Variants in AFF3 observed in about 807,000 individuals in gnomAD.
AFF3 encodes ALF transcription elongation factor 3.
A neutral mutation model predicts 129.7 loss-of-function variants in AFF3; 32 were observed. The observed-to-expected ratio is 0.25, with a 90% CI of 0.19 to 0.33. The LOEUF is 0.33. AFF3 is among the 10% of genes least tolerant of loss of function. The probability of loss-of-function intolerance (pLI) is 1.00; values close to 1 mark genes in which losing one functional copy is unlikely to be tolerated. For synonymous variants in AFF3, 644 were observed against 635.4 expected (o/e 1.01, Z -0.20); for missense variants, 1,373 against 1,592.0 (o/e 0.86, Z 2.34).
intron 13 of AFF3, among the ~76,000 whole-genome samples, chr2:99,642,294 T>C (rs944197281): frequency 3.9e-5 from 6 of 152,170 alleles, no homozygotes; most frequent in East Asian, 3.8e-4. Context: ...TTGATCTTTT[T>C]TTTTTTTTGA....
chr2:99,573,990 T>G (rs952603672), intron 18 of AFF3, among the ~76,000 whole-genome samples: 1 of 152,156 alleles, frequency 6.6e-6, no homozygotes, highest in Non-Finnish European at 1.5e-5. Context: ...TTAGCCCTGT[T>G]CAGGACTTCT....
chr2:99,560,492 G>C, intron 20 of AFF3, 56 bp from the exon 21 acceptor site: 1 of 1,521,618 alleles, frequency 6.6e-7, no homozygotes, highest in Admixed American at 1.7e-5. Flanking sequence ...CAAAGAAATA[G>C]TAAAACTAGC....
chr2:99,925,330 A>G (rs1242220692), intron 7 of AFF3, among the ~76,000 whole-genome samples: 1 of 152,052 alleles, frequency 6.6e-6, no homozygotes, highest in African/African-American at 2.4e-5. Context: ...TTATTTTTTC[A>G]AGCTTACTAA....
chr2:99,674,819 T>G (rs1310024742), intron 11 of AFF3, among the ~76,000 whole-genome samples: 1 of 152,186 alleles, frequency 6.6e-6, no homozygotes. Context: ...AAACTAGCCG[T>G]GCAACTCAGT....
chr2:99,582,167 T>C (rs749421165), intron 17 of AFF3, among the ~76,000 whole-genome samples: 1 of 152,156 alleles, frequency 6.6e-6, no homozygotes, highest in South Asian at 2.1e-4. Flanking sequence ...GGTCTTTTCA[T>C]GATATTGTCT....
At chr2:100,078,705 T>C (rs755253292) in intron 4 of AFF3, among the ~76,000 whole-genome samples, 2 of 152,162 alleles carry the variant, frequency 1.3e-5, no homozygotes, top group Admixed American at 6.5e-5. Flanking sequence ...TCCCTTGGTA[T>C]CCTCAAGGGA....
At chr2:99,691,070 T>C (rs1288999828) in intron 11 of AFF3, among the ~76,000 whole-genome samples, 2 of 152,262 alleles carry the variant, frequency 1.3e-5, no homozygotes, top group Middle Eastern at 3.4e-3. Flanking sequence ...TTAGGACAGC[T>C]GAAGCCAAGC....
intron 11 of AFF3, chr2:99,707,089 T>A: frequency 1.0e-6 from 1 of 985,238 alleles, no homozygotes; most frequent in Non-Finnish European, 1.2e-6. Context: ...AATAGTACAA[T>A]GAAAATATTC....
At chr2:100,104,178 C>A (rs1348869620) in intron 4 of AFF3, among the ~76,000 whole-genome samples, 4 of 152,028 alleles carry the variant, frequency 2.6e-5, no homozygotes, top group Non-Finnish European at 5.9e-5. Context: ...CTGGGGCGGG[C>A]CGCCGCGAGG....
At chr2:99,822,854 G>A (rs549275676) in intron 8 of AFF3, among the ~76,000 whole-genome samples, 2 of 152,174 alleles carry the variant, frequency 1.3e-5, no homozygotes, top group African/African-American at 2.4e-5. Context: ...GGGGGTGTGC[G>A]TGAAGGGGCT....
intron 11 of AFF3, among the ~76,000 whole-genome samples, chr2:99,693,395 C>T (rs1433906894): frequency 6.6e-6 from 1 of 151,674 alleles, no homozygotes; most frequent in Non-Finnish European, 1.5e-5. Flanking sequence ...TGGATATGCC[C>T]AAATCTAATT....
At chr2:99,733,229 A>G (rs1419655269) in intron 10 of AFF3, among the ~76,000 whole-genome samples, 1 of 152,036 alleles carries the variant, frequency 6.6e-6, no homozygotes, top group East Asian at 1.9e-4. Flanking sequence ...AATATAAAAA[A>G]TTAGCCGGGT....
chr2:99,642,075 G>A (rs560714588), intron 13 of AFF3, among the ~76,000 whole-genome samples: 3 of 152,272 alleles, frequency 2.0e-5, no homozygotes, highest in Non-Finnish European at 4.4e-5. Context: ...CAAAACATAA[G>A]TATGAATAGT....
rs1163013860 is a variant in AFF3, at chr2:99,888,325, A to C, written c.874-50801T>G. 2.0e-5 allele frequency among the ~76,000 whole-genome samples: 3 copies of C among 152,232 alleles called. No individual in the cohort carries two copies. In the East Asian group the frequency reaches 5.8e-4, roughly 29 times the overall value. ...ACAAACTTACAACTTCAAATGAATAAAAACTGTTAATTAAACAGGAGCTTC... is the reference window on the plus strand; with the variant it reads ...ACAAACTTACAACTTCAAATGAATACAAACTGTTAATTAAACAGGAGCTTC... On this transcript the variant is annotated intron_variant, in intron 7 of 24. Transcript: ENST00000672756.
chr2:99,652,629 G>C (rs2105652626), intron 12 of AFF3, among the ~76,000 whole-genome samples: 1 of 152,264 alleles, frequency 6.6e-6, no homozygotes, highest in Middle Eastern at 3.4e-3. Context: ...GGGTTGGAGA[G>C]TCCGACATTC....
intron 13 of AFF3, among the ~76,000 whole-genome samples, chr2:99,624,129 T>C (rs1682321895): frequency 6.6e-6 from 1 of 152,146 alleles, no homozygotes; most frequent in Admixed American, 6.5e-5. Flanking sequence ...AAGCCACAGC[T>C]ACCTCCAAGG....
At chr2:99,570,984 T>C (rs1235462868) in intron 18 of AFF3, among the ~76,000 whole-genome samples, 1 of 152,276 alleles carries the variant, frequency 6.6e-6, no homozygotes, top group Admixed American at 6.5e-5. Context: ...TCTTGTTTAC[T>C]ACACTTGGTA....
intron 7 of AFF3, among the ~76,000 whole-genome samples, chr2:99,888,352 GTATACA>G (rs1381148681): frequency 2.0e-5 from 3 of 152,162 alleles, no homozygotes; most frequent in Non-Finnish European, 4.4e-5. Flanking sequence ...AGGAGCTTCA[GTATACA>G]TATAATGTTT....
At chr2:99,973,528 AC>A (rs1250544966) in intron 7 of AFF3, among the ~76,000 whole-genome samples, 1 of 152,222 alleles carries the variant, frequency 6.6e-6, no homozygotes, top group Non-Finnish European at 1.5e-5. Context: ...TTTTGTGCAC[AC>A]AGGGGTAAAA....
Sources: allele counts gnomAD v4.1 joint callset (sites outside exome capture counted in the v4.1 genomes callset), GRCh38; gene constraint gnomAD v4.1.1; transcripts MANE v1.5; gene names NCBI Gene and HGNC (gene_info 2026-07-23, HGNC 2026-07-21).